CTNNA3: variants seen among roughly 807,000 people sequenced by gnomAD.
CTNNA3 encodes the protein catenin alpha 3.
CTNNA3 carries 76 observed loss-of-function variants against 95.7 expected under a neutral mutation model. That is an observed-to-expected ratio of 0.79 (90% confidence interval 0.66 to 0.96). The LOEUF (loss-of-function observed/expected upper bound fraction) is 0.96. Among genes scored for constraint, CTNNA3 ranks in the 40% least tolerant of loss-of-function variants. The pLI, the probability that CTNNA3 is intolerant of heterozygous loss-of-function variation, is 0.00. For synonymous variants in CTNNA3, 431 were observed against 374.4 expected, an observed-to-expected ratio of 1.15 and a Z score of -1.74; for missense variants, 1,191 against 1,089.8, an observed-to-expected ratio of 1.09 and a Z score of -1.31.
chr10:67,553,665 C>CA (rs1364270311), intron 3 of CTNNA3, among the ~76,000 whole-genome samples: 1 of 151,036 alleles, frequency 6.6e-6, no homozygotes, highest in Non-Finnish European at 1.5e-5. Flanking sequence ...AAGAGATATA[C>CA]AAAAAAAGAA....
chr10:66,999,705 C>A (rs1394952483), intron 7 of CTNNA3, among the ~76,000 whole-genome samples: 1 of 152,062 alleles, frequency 6.6e-6, no homozygotes, highest in African/African-American at 2.4e-5. Flanking sequence ...GAATAATGTA[C>A]ATTTCATAAG....
At chr10:67,433,497 A>G (rs911740282) in intron 5 of CTNNA3, among the ~76,000 whole-genome samples, 4 of 152,116 alleles carry the variant, frequency 2.6e-5, no homozygotes, top group African/African-American at 9.6e-5. Context: ...CACTTGCTCA[A>G]TACAGAGTTG....
At chr10:66,205,425 C>A (rs1158441391) in intron 13 of CTNNA3, among the ~76,000 whole-genome samples, 2 of 151,940 alleles carry the variant, frequency 1.3e-5, no homozygotes, top group Non-Finnish European at 2.9e-5. Context: ...ATTATACACA[C>A]CACTATTTTG....
intron 17 of CTNNA3, among the ~76,000 whole-genome samples, chr10:65,964,159 A>G (rs1013154418): frequency 2.6e-5 from 4 of 152,186 alleles, no homozygotes; most frequent in African/African-American, 9.7e-5. Context: ...AAAATGATAG[A>G]TTAGATCTTC....
chr10:67,099,733 T>C (rs2131940093), intron 7 of CTNNA3: 1 of 152,384 alleles, frequency 6.6e-6, no homozygotes, highest in Admixed American at 6.6e-5. Flanking sequence ...CTATTTAGCA[T>C]CCCAGATTTT....
chr10:67,579,216 A>C (rs1589448019), intron 3 of CTNNA3, among the ~76,000 whole-genome samples: 7 of 47,986 alleles, frequency 1.5e-4, no homozygotes, highest in South Asian at 2.9e-3. Context: ...CCCCCACCCC[A>C]TAACAGGCCC....
chr10:66,573,130 G>C (rs1842917676), intron 10 of CTNNA3, among the ~76,000 whole-genome samples: 1 of 152,102 alleles, frequency 6.6e-6, no homozygotes, highest in Admixed American at 6.5e-5. Context: ...TATTTTCTGT[G>C]GCTCAGGTTC....
At chr10:67,128,458 C>A (rs1372258432) in intron 7 of CTNNA3, among the ~76,000 whole-genome samples, 2 of 151,776 alleles carry the variant, frequency 1.3e-5, no homozygotes, top group Non-Finnish European at 2.9e-5. Context: ...TAAAGAATAA[C>A]CATGAAATAT....
At chr10:67,426,271 A>G (rs547995214) in intron 5 of CTNNA3, among the ~76,000 whole-genome samples, 1 of 152,186 alleles carries the variant, frequency 6.6e-6, no homozygotes, top group South Asian at 2.1e-4. Context: ...AATGGAGCAA[A>G]CAAATATGTC....
chr10:67,363,082 G>C (rs1843057796), intron 5 of CTNNA3, among the ~76,000 whole-genome samples: 1 of 151,914 alleles, frequency 6.6e-6, no homozygotes, highest in Admixed American at 6.6e-5. Context: ...TCTACAAGGA[G>C]ATCTACAAAA....
chr10:67,263,657 G>A (rs1351123454), intron 5 of CTNNA3, among the ~76,000 whole-genome samples: 2 of 152,178 alleles, frequency 1.3e-5, no homozygotes, highest in Admixed American at 1.3e-4. Flanking sequence ...TCTATGCCAG[G>A]GAAAGGATAT....
chr10:67,389,089 T>C (rs1311254587), intron 5 of CTNNA3, among the ~76,000 whole-genome samples: 2 of 150,410 alleles, frequency 1.3e-5, no homozygotes, highest in Non-Finnish European at 3.0e-5. Flanking sequence ...ATGGACTAAA[T>C]GCTCCAATTA....
At chr10:67,644,195 G>C (rs1042917684) in intron 2 of CTNNA3, among the ~76,000 whole-genome samples, 2 of 152,138 alleles carry the variant, frequency 1.3e-5, no homozygotes, top group African/African-American at 4.8e-5. Context: ...TCCAGCATCT[G>C]TTGTTTCCTG....
At chr10:66,587,902 G>A (rs988572472) in intron 10 of CTNNA3, among the ~76,000 whole-genome samples, 4 of 152,152 alleles carry the variant, frequency 2.6e-5, no homozygotes, top group Admixed American at 6.5e-5. Context: ...CTGCGCCCAT[G>A]GCTATAGCAA....
At chr10:67,745,314 G>T (rs914034803) in intron 1 of CTNNA3, among the ~76,000 whole-genome samples, 1 of 151,970 alleles carries the variant, frequency 6.6e-6, no homozygotes, top group African/African-American at 2.4e-5. Flanking sequence ...ATACACCATG[G>T]AATACCATGC....
At chr10:67,621,501 G>A (rs1266027214) in intron 2 of CTNNA3, among the ~76,000 whole-genome samples, 3 of 152,134 alleles carry the variant, frequency 2.0e-5, no homozygotes, top group Non-Finnish European at 4.4e-5. Context: ...TGTAATCCCA[G>A]CACTTTGGGA....
intron 13 of CTNNA3, among the ~76,000 whole-genome samples, chr10:66,267,571 A>G (rs966894623): frequency 1.3e-5 from 2 of 152,162 alleles, no homozygotes; most frequent in Non-Finnish European, 2.9e-5. Flanking sequence ...AAAGATCATG[A>G]CTCAACCATG....
At chr10:66,496,503 A>G (rs1158192429) in intron 11 of CTNNA3, among the ~76,000 whole-genome samples, 1 of 152,206 alleles carries the variant, frequency 6.6e-6, no homozygotes, top group Non-Finnish European at 1.5e-5. Flanking sequence ...CATTACATAA[A>G]CCAGAAGATT....
At chr10:67,463,249 G>A (rs1271400853) in intron 5 of CTNNA3, among the ~76,000 whole-genome samples, 6 of 151,230 alleles carry the variant, frequency 4.0e-5, no homozygotes, top group Admixed American at 1.3e-4. Context: ...CAATGGGCAC[G>A]GCATCCAATA....
Sources: allele counts gnomAD v4.1 joint callset (sites outside exome capture counted in the v4.1 genomes callset), GRCh38; gene constraint gnomAD v4.1.1; transcripts MANE v1.5; gene names NCBI Gene and HGNC (gene_info 2026-07-23, HGNC 2026-07-21).